Variants in DACH1 observed in about 807,000 individuals in gnomAD.
The protein encoded by DACH1 is dachshund family transcription factor 1, also known as dachshund homolog 1.
In DACH1, 12 loss-of-function variants were observed where a neutral mutation model predicts 54.2. That is an observed-to-expected ratio of 0.22 (90% CI 0.14 to 0.36). The LOEUF (loss-of-function observed/expected upper bound fraction) is 0.36, where lower values mean the gene tolerates loss of function less well. Among genes scored for constraint, DACH1 ranks in the 10% least tolerant of loss-of-function variants. The probability of loss-of-function intolerance (pLI) is 1.00; values close to 1 mark genes in which losing one functional copy is unlikely to be tolerated. For missense variants in DACH1, 805 were observed against 929.8 expected, an observed-to-expected ratio of 0.87 and a Z score of 1.75; for synonymous variants, 386 against 366.2, an observed-to-expected ratio of 1.05 and a Z score of -0.62.
At chr13:71,460,365 C>T (rs188178544) in intron 10 of DACH1, among the ~76,000 whole-genome samples, 23 of 152,056 alleles carry the variant, frequency 1.5e-4, no homozygotes, top group African/African-American at 5.3e-4. Context: ...TGGAATTAGT[C>T]AGTTGAGACT....
intron 10 of DACH1, among the ~76,000 whole-genome samples, chr13:71,447,073 ATAAGAAAGTATCTCGTGTC>A (rs1874535300): frequency 6.6e-6 from 1 of 152,230 alleles, no homozygotes; most frequent in South Asian, 2.1e-4. Flanking sequence ...AATTTGGTGT[ATAAGAAAGTATCTCGTGTC>A]TAAGAAAGCA....
At chr13:71,604,807 C>T (rs1045325575) in intron 3 of DACH1, among the ~76,000 whole-genome samples, 1 of 151,844 alleles carries the variant, frequency 6.6e-6, no homozygotes, top group African/African-American at 2.4e-5. Flanking sequence ...GCATCATATT[C>T]TGCTAATAAA....
intron 6 of DACH1, among the ~76,000 whole-genome samples, chr13:71,495,600 C>T (rs1879340713): frequency 6.6e-6 from 1 of 151,974 alleles, no homozygotes; most frequent in South Asian, 2.1e-4. Flanking sequence ...TCACTCTAGG[C>T]ACTCTCGGCT....
chr13:71,527,507 A>C (rs1361692250), intron 6 of DACH1, among the ~76,000 whole-genome samples: 1 of 152,206 alleles, frequency 6.6e-6, no homozygotes, highest in East Asian at 1.9e-4. Flanking sequence ...TAGTAAATCA[A>C]ATGTGAAATA....
chr13:71,767,919 G>A (rs977695390), intron 1 of DACH1, among the ~76,000 whole-genome samples: 18 of 151,880 alleles, frequency 1.2e-4, no homozygotes, highest in Non-Finnish European at 1.9e-4. Flanking sequence ...ATTATAAGTA[G>A]CAATGAAGCA....
intron 6 of DACH1, among the ~76,000 whole-genome samples, chr13:71,513,669 T>A (rs989857319): frequency 2.0e-5 from 3 of 152,134 alleles, no homozygotes; most frequent in African/African-American, 7.2e-5. Context: ...GCTCTGGACA[T>A]TGCTTGAAAG....
At chr13:71,544,112 C>A (rs916326999) in intron 6 of DACH1, among the ~76,000 whole-genome samples, 1 of 152,132 alleles carries the variant, frequency 6.6e-6, no homozygotes, top group Admixed American at 6.6e-5. Context: ...AATCATCCCA[C>A]CTTACCACTA....
chr13:71,514,034 A>G (rs1401630419), intron 6 of DACH1, among the ~76,000 whole-genome samples: 1 of 152,068 alleles, frequency 6.6e-6, no homozygotes, highest in African/African-American at 2.4e-5. Context: ...TATAATCAAT[A>G]CTGAGTGTCA....
intron 1 of DACH1, among the ~76,000 whole-genome samples, chr13:71,746,392 C>T (rs1224405762): frequency 6.6e-6 from 1 of 152,130 alleles, no homozygotes; most frequent in Non-Finnish European, 1.5e-5. Context: ...AAATCAATCA[C>T]ATTTGGAGTT....
intron 1 of DACH1, among the ~76,000 whole-genome samples, chr13:71,723,603 T>A (rs2137891109): frequency 6.6e-6 from 1 of 152,320 alleles, no homozygotes; most frequent in Non-Finnish European, 1.5e-5. Context: ...TAAGGTGGTT[T>A]TTTAAAAATT....
intron 1 of DACH1, among the ~76,000 whole-genome samples, chr13:71,724,079 T>C (rs1244303086): frequency 1.3e-5 from 2 of 152,186 alleles, no homozygotes; most frequent in Admixed American, 1.3e-4. Context: ...CCTCTCAGTA[T>C]TGAAATTTTG....
At chr13:71,747,079 T>C (rs1884630614) in intron 1 of DACH1, among the ~76,000 whole-genome samples, 1 of 152,132 alleles carries the variant, frequency 6.6e-6, no homozygotes, top group Non-Finnish European at 1.5e-5. Flanking sequence ...TGTATTTAAA[T>C]ATTGTGTTTG....
At chr13:71,787,785 T>C (rs1051503681) in intron 1 of DACH1, among the ~76,000 whole-genome samples, 5 of 152,168 alleles carry the variant, frequency 3.3e-5, no homozygotes, top group Non-Finnish European at 7.4e-5. Flanking sequence ...CGTAACATTC[T>C]CATTGACTTT....
At position 71,827,732 on chromosome 13, in the gene DACH1, T is replaced by C. The variant is rs142979103; in HGVS notation, c.848+38190A>G. 3.5e-4 allele frequency among the ~76,000 whole-genome samples: 53 copies of C among 152,174 alleles called. 2 individuals are homozygous for C. In the East Asian group the frequency reaches 9.7e-3, roughly 28 times the overall value. On this transcript the variant is annotated intron_variant, in intron 1 of 10. Transcript: ENST00000613252. ...TCACTAATAATAAAACTTCAGACTG[T>C]GCATGCCAGTTGAAGAAGTGAGAAA...
chr13:71,514,062 AGTTCT>A (rs758787887), intron 6 of DACH1, among the ~76,000 whole-genome samples: 5 of 152,054 alleles, frequency 3.3e-5, no homozygotes, highest in African/African-American at 4.8e-5. Context: ...ATGAGATATG[AGTTCT>A]GTTATCTCAT....
intron 2 of DACH1, among the ~76,000 whole-genome samples, chr13:71,654,626 C>T (rs1243865963): frequency 6.6e-6 from 1 of 151,950 alleles, no homozygotes; most frequent in African/African-American, 2.4e-5. Context: ...GAAAAACTGA[C>T]CCACATGTCC....
chr13:71,616,490 T>A (rs923614998), intron 3 of DACH1, among the ~76,000 whole-genome samples: 2 of 152,198 alleles, frequency 1.3e-5, no homozygotes, highest in Non-Finnish European at 2.9e-5. Flanking sequence ...CTCACATCAG[T>A]AATCCCAACA....
chr13:71,851,452 A>G (rs1873659777), intron 1 of DACH1, among the ~76,000 whole-genome samples: 1 of 152,148 alleles, frequency 6.6e-6, no homozygotes, highest in Admixed American at 6.5e-5. Flanking sequence ...AACTTTGCCT[A>G]TATTATTAAT....
chr13:71,797,653 T>C (rs936430376), intron 1 of DACH1, among the ~76,000 whole-genome samples: 2 of 152,110 alleles, frequency 1.3e-5, no homozygotes, highest in Non-Finnish European at 1.5e-5. Context: ...AGGGCTCATG[T>C]GCCAGAAGTG....
Sources: allele counts gnomAD v4.1 joint callset (sites outside exome capture counted in the v4.1 genomes callset), GRCh38; gene constraint gnomAD v4.1.1; transcripts MANE v1.5; gene names NCBI Gene and HGNC (gene_info 2026-07-23, HGNC 2026-07-21).